Variants in ZAN observed in about 807,000 individuals in gnomAD.
The protein encoded by ZAN is zonadhesin.
Under a neutral mutation model 286.2 loss-of-function variants are expected in ZAN, and 260 were observed. The ratio of observed to expected loss-of-function variants is 0.91; its 90% CI spans 0.82 to 1.01. The LOEUF is 1.01. Ranked by LOEUF, ZAN falls within the 50% of genes least tolerant of loss-of-function variation. The pLI is 0.00. For synonymous variants in ZAN, 1,368 were observed against 1,417.5 expected, an observed-to-expected ratio of 0.97 and a Z score of 0.79; for missense variants, 3,410 against 3,639.2, an observed-to-expected ratio of 0.94 and a Z score of 1.62.
rs746171713 is a variant in ZAN, at chr7:100,787,960, G to A, written c.7051G>A (p.Gly2351Ser). The A allele has an allele frequency of 1.2e-5, 6 of 484,700 alleles. No homozygotes were observed. In the South Asian group the frequency reaches 1.3e-4, roughly 11 times the overall value. 30.0% of individuals were successfully genotyped at this position (484,700 alleles called of 1,614,324 possible). The change falls in exon 38 of 48, where the codon GGC becomes AGC. Residue 2351 changes from glycine to serine, a missense_variant. Physicochemically the swap from Gly to Ser is moderately conservative, Grantham distance 56. This residue lies in a region of ZAN where 1,289 missense variants were observed against 1,314.3 expected (regional missense o/e 0.98). Coordinates refer to ENST00000613979, the MANE Select transcript of ZAN (RefSeq NM_003386.3). ...TGACGGCTTCAGCTACCGCTTGCAA[G>A]GCCGCATGACCTATGTTCTGATCAA... ...TFDGFSYRLQ[G>S]RMTYVLIKTV...
chr7:100,791,039 C>A lies in ZAN; in HGVS notation c.7455C>A (p.Ala2485=), dbSNP rs1178744405. Residue 2485 remains alanine (A), a synonymous_variant, in exon 40 of 48, where the codon GCC becomes GCA. Coordinates refer to ENST00000613979, the MANE Select transcript of ZAN (RefSeq NM_003386.3). ...ATGACATGATGCTGCCCAGTGGCGC[C>A]CTGACCCAGAACCTCAACACCTTTG... ...RKNDMMLPSG[A]LTQNLNTFGN... 6.2e-7 allele frequency: 1 copy of A among 1,613,072 alleles called. No homozygotes were observed. The highest frequency in any genetic ancestry group is 8.5e-7 in the Non-Finnish European group (1 of 1,179,612).
chr7:100,768,777 G>A (rs1248180980), intron 27 of ZAN, 56 bp downstream of exon 27: 14 of 1,459,094 alleles, frequency 9.6e-6, no homozygotes, highest in Admixed American at 8.8e-5. Flanking sequence ...GAAGGGCCTC[G>A]GGGGGCAGCT....
chr7:100,746,411 G>T lies in ZAN; in HGVS notation c.767-127G>T. 5.6e-6 allele frequency: 7 copies of T among 1,240,828 alleles called. No individual in the cohort carries two copies. The South Asian group carries it at 7.8e-5, about 14-fold the overall frequency. The allele number at this position is 1,240,828 out of a possible 1,614,324, so 76.9% of individuals were successfully genotyped here. A position where few individuals can be genotyped will look rare whatever the true frequency, so the allele number is the denominator to read the frequency against. ...TCAGTTGGGATAGGACCACCTCAGT[G>T]CTGCCTGATTCTAGGCTGCTGTTGG... On this transcript the variant is annotated intron_variant, in intron 7 of 47. Transcript: ENST00000613979.
At chr7:100,755,479 T>A in intron 15 of ZAN, 69 bp downstream of exon 15, 1 of 1,558,990 alleles carries the variant, frequency 6.4e-7, no homozygotes, top group South Asian at 1.2e-5. Context: ...TCCAGCTCCA[T>A]CTGCTCCCCA....
intron 7 of ZAN, among the ~76,000 whole-genome samples, chr7:100,739,801 G>A (rs1480989022): frequency 7.2e-6 from 1 of 139,562 alleles, no homozygotes; most frequent in Non-Finnish European, 1.6e-5. Flanking sequence ...GGGACTACAG[G>A]TGTACACCAC....
intron 7 of ZAN, among the ~76,000 whole-genome samples, chr7:100,740,410 C>A (rs1807657737): frequency 1.1e-5 from 1 of 88,998 alleles, no homozygotes; most frequent in African/African-American, 4.9e-5. Flanking sequence ...AACAAGTGAA[C>A]AAAGGTCTCT....
At position 100,735,840 on chromosome 7, in the gene ZAN, T is replaced by A. The variant is rs564562045; in HGVS notation, c.106+68T>A. 2.4e-6 allele frequency: 3 copies of A among 1,236,132 alleles called. 1 individual carries two copies. In the East Asian group the frequency reaches 7.7e-5, roughly 32 times the overall value. 76.6% of individuals were successfully genotyped at this position (1,236,132 alleles called of 1,614,324 possible). A position where few individuals can be genotyped will look rare whatever the true frequency, so the allele number is the denominator to read the frequency against. On this transcript the variant is annotated intron_variant, in intron 3 of 47. Coordinates refer to ENST00000613979, the MANE Select transcript of ZAN (RefSeq NM_003386.3). ...CCGAACCCACATTCTGCCACCAGAA[T>A]GCCAGTTCCTGAGTTCCTAGCAGGA...
At position 100,795,306 on chromosome 7, in the gene ZAN, C is replaced by G. The variant is rs773222085; in HGVS notation, c.8236C>G (p.Pro2746Ala). ...TTACGGGGGAGGCCTGTGTATGGAGCCTCGAGATGCGCCACCTCCCAGAAA... is the reference window on the plus strand; with the variant it reads ...TTACGGGGGAGGCCTGTGTATGGAGGCTCGAGATGCGCCACCTCCCAGAAA... ...VGYGGGLCME[P>A]RDAPPPRKPA... The change falls in exon 45 of 48, where the codon CCT becomes GCT. Residue 2746 changes from proline to alanine, a missense_variant. This residue lies in a region of ZAN where 1,289 missense variants were observed against 1,314.3 expected (regional missense o/e 0.98). Transcript: ENST00000613979. 1.3e-6 allele frequency: 2 copies of G among 1,598,548 alleles called. No homozygotes were observed. The highest frequency in any genetic ancestry group is 1.7e-5 in the Admixed American group (1 of 58,742).
intron 29 of ZAN, among the ~76,000 whole-genome samples, chr7:100,772,517 G>T (rs1262774694): frequency 6.6e-6 from 1 of 152,032 alleles, no homozygotes; most frequent in Non-Finnish European, 1.5e-5. Context: ...TAGTGCTGTT[G>T]AAGTGTACAT....
In ZAN at chr7:100,736,774, C is replaced by T. The variant is rs781661288; in HGVS notation, c.254-35C>T. On this transcript the variant is annotated intron_variant, in intron 4 of 47. Transcript: ENST00000613979. Reference sequence around the variant, plus strand: ...GGGTGGGGGCAGCCCTCAGAGGTGGCTGGGCCTCAGTGTCTTGGGCTCTGC... The same window carrying T: ...GGGTGGGGGCAGCCCTCAGAGGTGGTTGGGCCTCAGTGTCTTGGGCTCTGC... 4 of 1,458,672 alleles carry T rather than the reference C, an allele frequency of 2.7e-6. 1 individual carries two copies. Among genetic ancestry groups the T allele is most frequent in the Non-Finnish European group, 3.7e-6 (4 of 1,076,052 alleles). The allele number at this position is 1,458,672 out of a possible 1,614,324, so 90.4% of individuals were successfully genotyped here.
chr7:100,785,633 G>A (rs1811511363), intron 36 of ZAN, among the ~76,000 whole-genome samples: 1 of 151,702 alleles, frequency 6.6e-6, no homozygotes, highest in African/African-American at 2.4e-5. Context: ...GCAAGAGGAA[G>A]GAGAACTGGC....
intron 7 of ZAN, among the ~76,000 whole-genome samples, chr7:100,743,103 A>C (rs1287083959): frequency 6.8e-6 from 1 of 146,742 alleles, no homozygotes; most frequent in Non-Finnish European, 1.5e-5. Flanking sequence ...AGCTCACTGC[A>C]ACCTCTGCCT....
chr7:100,771,733 G>GA, intron 28 of ZAN, 111 bp from the exon 29 acceptor site: 1 of 1,240,064 alleles, frequency 8.1e-7, no homozygotes, highest in Non-Finnish European at 1.1e-6. Context: ...TGCCTGGCGG[G>GA]AAAATCCAGG....
intron 29 of ZAN, among the ~76,000 whole-genome samples, chr7:100,772,664 A>G (rs1810453152): frequency 6.6e-6 from 1 of 151,608 alleles, no homozygotes; most frequent in South Asian, 2.1e-4. Flanking sequence ...TACCAAAAAT[A>G]CAAAAAATTA....
intron 35 of ZAN, among the ~76,000 whole-genome samples, chr7:100,780,756 T>TC (rs1174400506): frequency 6.6e-6 from 1 of 152,214 alleles, no homozygotes; most frequent in African/African-American, 2.4e-5. Context: ...TCAGTATTTT[T>TC]CCCAAGACCA....
At chr7:100,736,383 T>G in intron 3 of ZAN, 100 bp from the exon 4 acceptor site, 1 of 1,310,692 alleles carries the variant, frequency 7.6e-7, no homozygotes, top group Admixed American at 1.8e-5. Flanking sequence ...TCATGGCAGC[T>G]TTCTCTAAGT....
chr7:100,771,170 G>A (rs1810343777), intron 28 of ZAN, among the ~76,000 whole-genome samples: 1 of 152,068 alleles, frequency 6.6e-6, no homozygotes, highest in South Asian at 2.1e-4. Flanking sequence ...GAACTCCTGG[G>A]CTCAAGTGAT....
Position 100,751,934 on chromosome 7 carries a change from A to T in ZAN, c.1829A>T (p.Glu610Val), listed in dbSNP as rs758094521. Residue 610 changes from glutamate (E) to valine (V), a missense_variant, in exon 14 of 48, where the codon GAA becomes GTA. Glu to Val is a moderately radical substitution (Grantham distance 121). Around this residue, in one of 7 missense-constraint regions of ZAN, gnomAD observed 872 missense variants for 938.9 expected, o/e 0.93. Coordinates refer to ENST00000613979, the MANE Select transcript of ZAN (RefSeq NM_003386.3). The part of the protein sequence containing the change: ...ISTEKPTIPS[E>V]KPNMPSEKPT... Reference sequence around the variant, plus strand: ...ACAGAAAAACCCACCATTCCTTCAGAAAAACCCAACATGCCCTCAGAAAAA... The same window carrying T: ...ACAGAAAAACCCACCATTCCTTCAGTAAAACCCAACATGCCCTCAGAAAAA... 142 of 1,613,140 alleles carry T rather than the reference A, an allele frequency of 8.8e-5. 7 individuals carry two copies. In the South Asian group the frequency reaches 1.4e-3, roughly 16 times the overall value.
chr7:100,738,595 G>A lies in ZAN; in HGVS notation c.748G>A (p.Asp250Asn), dbSNP rs1214034405. The A allele has an allele frequency of 5.9e-6, 9 of 1,517,524 alleles. 3 individuals carry two copies. The highest frequency in any genetic ancestry group is 8.1e-6 in the Non-Finnish European group (9 of 1,104,962). The allele number at this position is 1,517,524 out of a possible 1,614,324, so 94.0% of individuals were successfully genotyped here. A position where few individuals can be genotyped will look rare whatever the true frequency, so the allele number is the denominator to read the frequency against. ...SGKPGVGPDG[D>N]FSSPGSGCYM... Reference sequence around the variant, plus strand: ...AAAGCCAGGCGTGGGGCCTGATGGCGACTTCTCTAGCCCTGGTAGTGAGTA... The same window carrying A: ...AAAGCCAGGCGTGGGGCCTGATGGCAACTTCTCTAGCCCTGGTAGTGAGTA... Residue 250 changes from aspartate to asparagine, a missense_variant, in exon 7 of 48, where the codon GAC becomes AAC. Asp to Asn is a conservative substitution (Grantham distance 23). Coordinates refer to ENST00000613979, the MANE Select transcript of ZAN (RefSeq NM_003386.3).
Sources: gnomAD v4.1 joint callset for allele counts (sites outside exome capture counted in the v4.1 genomes callset) on GRCh38, gnomAD v4.1.1 for gene constraint, gnomAD v4.1.1 regional missense constraint, MANE v1.5 for transcripts, NCBI Gene and HGNC (gene_info 2026-07-23, HGNC 2026-07-21) for gene names.